Variants in WWOX observed in about 807,000 individuals in gnomAD.
WWOX encodes the protein WW domain-containing oxidoreductase.
A neutral mutation model predicts 46.2 loss-of-function variants in WWOX; 69 were observed. That is an observed-to-expected ratio of 1.49 (90% CI 1.23 to 1.82). WWOX has a LOEUF of 1.82. Ranked by LOEUF, WWOX falls within the 40% of genes most tolerant of loss-of-function variation. The pLI is 0.00. For missense variants in WWOX, 919 were observed against 542.6 expected (o/e 1.69, Z -6.89); for synonymous variants, 359 against 202.6 (o/e 1.77, Z -6.56).
chr16:78,929,044 T>C (rs1027664361), intron 8 of WWOX, among the ~76,000 whole-genome samples: 2 of 152,200 alleles, frequency 1.3e-5, no homozygotes, highest in African/African-American at 4.8e-5. Context: ...TTTAAAGAAT[T>C]TCCTTTTTGC....
chr16:78,934,370 G>T (rs564189199), intron 8 of WWOX, among the ~76,000 whole-genome samples: 1 of 131,628 alleles, frequency 7.6e-6, no homozygotes, highest in South Asian at 2.3e-4. Flanking sequence ...TTAGCCAGGT[G>T]TGGTGGTGCA....
At chr16:78,551,111 T>C (rs533412226) in intron 8 of WWOX, 1 of 152,160 alleles carries the variant, frequency 6.6e-6, no homozygotes. Context: ...ATATCGTGAA[T>C]ATATTCCATG....
At chr16:78,726,705 GGTTTT>G (rs1245469416) in intron 8 of WWOX, among the ~76,000 whole-genome samples, 18 of 133,704 alleles carry the variant, frequency 1.3e-4, no homozygotes, top group African/African-American at 4.5e-4. Context: ...TTGGTTGGTT[GGTTTT>G]GTTTTGTTTT....
intron 8 of WWOX, among the ~76,000 whole-genome samples, chr16:79,017,786 C>G (rs892509637): frequency 6.6e-6 from 1 of 152,008 alleles, no homozygotes; most frequent in Non-Finnish European, 1.5e-5. Context: ...ATTTCCACCC[C>G]CATTATTTGC....
chr16:78,312,756 T>G (rs192323840), intron 5 of WWOX, among the ~76,000 whole-genome samples: 102 of 152,316 alleles, frequency 6.7e-4, no homozygotes, highest in African/African-American at 2.2e-3. Context: ...GTCGTCTGGC[T>G]TTATGGACAA....
intron 8 of WWOX, among the ~76,000 whole-genome samples, chr16:78,723,587 CTT>C (rs2048747653): frequency 3.8e-5 from 1 of 26,066 alleles, no homozygotes; most frequent in Non-Finnish European, 7.0e-5. Context: ...CTTTTCTTTT[CTT>C]TTCTTTTCTT....
At position 78,528,435 on chromosome 16, in the gene WWOX, A is replaced by C. The variant is rs76448505; in HGVS notation, c.1056+95683A>C. ...CCCATCCAGAAAGTGGCTCGTATTC[A>C]AGGTGCTAATTAGGGTGTTTTGTTG... On this transcript the variant is annotated intron_variant, in intron 8 of 8. Coordinates refer to ENST00000566780, the MANE Select transcript of WWOX (RefSeq NM_016373.4). Among the ~76,000 whole-genome samples the C allele has an allele frequency of 6.6e-3, 1,007 of 152,018 alleles. 4 individuals carry two copies. Among genetic ancestry groups the C allele is most frequent in the Non-Finnish European group, 0.01 (694 of 67,986 alleles).
chr16:78,116,765 C>G (rs2032814075), intron 4 of WWOX, among the ~76,000 whole-genome samples: 1 of 152,150 alleles, frequency 6.6e-6, no homozygotes, highest in Non-Finnish European at 1.5e-5. Flanking sequence ...TTAAAAATGT[C>G]TTTTTAACAA....
intron 5 of WWOX, among the ~76,000 whole-genome samples, chr16:78,382,679 T>C (rs2081980031): frequency 2.0e-5 from 3 of 152,222 alleles, no homozygotes; most frequent in Non-Finnish European, 4.4e-5. Flanking sequence ...TGGCATGTGC[T>C]AATTCTAACA....
intron 8 of WWOX, among the ~76,000 whole-genome samples, chr16:79,020,823 G>T (rs1401428323): frequency 6.6e-6 from 1 of 152,078 alleles, no homozygotes; most frequent in Non-Finnish European, 1.5e-5. Flanking sequence ...AAAATAAGTG[G>T]TCACTTTGAG....
intron 8 of WWOX, among the ~76,000 whole-genome samples, chr16:78,706,506 C>T (rs1417832220): frequency 6.6e-6 from 1 of 152,172 alleles, no homozygotes; most frequent in Non-Finnish European, 1.5e-5. Flanking sequence ...TGAAGCTTTT[C>T]ATTTCCCTTT....
At chr16:79,168,176 G>C (rs76253130) in intron 8 of WWOX, among the ~76,000 whole-genome samples, 6,768 of 152,102 alleles carry the variant, frequency 0.044, 188 homozygotes, top group East Asian at 0.13. Flanking sequence ...ATAATGACTT[G>C]TGTTGCCATA....
At chr16:78,934,949 C>T (rs2045704992) in intron 8 of WWOX, among the ~76,000 whole-genome samples, 1 of 152,054 alleles carries the variant, frequency 6.6e-6, no homozygotes, top group Admixed American at 6.6e-5. Context: ...AGAATACAAA[C>T]ATTAGACACT....
chr16:78,818,861 G>C (rs1333322548), intron 8 of WWOX, among the ~76,000 whole-genome samples: 3 of 152,208 alleles, frequency 2.0e-5, no homozygotes, highest in Non-Finnish European at 4.4e-5. Flanking sequence ...AAATTCGTTA[G>C]CACTGAGAGA....
chr16:79,182,274 G>T (rs969336387), intron 8 of WWOX, among the ~76,000 whole-genome samples: 2 of 151,902 alleles, frequency 1.3e-5, no homozygotes, highest in African/African-American at 4.8e-5. Context: ...GGGTATCCAG[G>T]ATTCCTGGCC....
In WWOX at chr16:78,515,925, G is replaced by T. The variant is rs541104494; in HGVS notation, c.1056+83173G>T. 3.9e-5 allele frequency among the ~76,000 whole-genome samples: 6 copies of T among 152,264 alleles called. No homozygotes were observed. The East Asian group carries it at 1.2e-3, about 29-fold the overall frequency. ...CCCATGTGAAATTTTGTTACGTGTT[G>T]TTAGGTTTCATTTGTCTCTCAGTCA... On this transcript the variant is annotated intron_variant, in intron 8 of 8. Coordinates refer to ENST00000566780, the MANE Select transcript of WWOX (RefSeq NM_016373.4).
intron 8 of WWOX, among the ~76,000 whole-genome samples, chr16:78,606,016 C>T (rs2045748220): frequency 6.6e-6 from 1 of 152,132 alleles, no homozygotes; most frequent in Non-Finnish European, 1.5e-5. Flanking sequence ...TGCCTATTGT[C>T]AAAATATATA....
Position 78,575,060 on chromosome 16 carries a change from T to A in WWOX, c.1056+142308T>A, listed in dbSNP as rs796763014. On this transcript the variant is annotated intron_variant, in intron 8 of 8. Transcript: ENST00000566780. The stretch of plus-strand genomic sequence containing the variant: ...ATATATATATATATATATATATATA[T>A]ATATATATATATATATATATATATA... 1.8e-3 allele frequency among the ~76,000 whole-genome samples: 34 copies of A among 18,416 alleles called. 4 individuals are homozygous for A. The highest frequency in any genetic ancestry group is 7.4e-3 in the East Asian group (2 of 272). The allele number at this position is 18,416 out of a possible 152,430, so 12.1% of individuals were successfully genotyped here. A position where few individuals can be genotyped will look rare whatever the true frequency, so the allele number is the denominator to read the frequency against.
chr16:79,176,518 C>A (rs1384597178), intron 8 of WWOX, among the ~76,000 whole-genome samples: 1 of 152,194 alleles, frequency 6.6e-6, no homozygotes, highest in Non-Finnish European at 1.5e-5. Context: ...GTTTTCTCCC[C>A]ATTAGCATCT....
Sources: gnomAD v4.1 joint callset for allele counts (sites outside exome capture counted in the v4.1 genomes callset) on GRCh38, gnomAD v4.1.1 for gene constraint, MANE v1.5 for transcripts, NCBI Gene and HGNC (gene_info 2026-07-23, HGNC 2026-07-21) for gene names.